The following PRKAG2 variants were observed in gnomAD, a reference collection of about 807,000 sequenced individuals.
The protein encoded by PRKAG2 is protein kinase AMP-activated non-catalytic subunit gamma 2.
Under a neutral mutation model 69.6 loss-of-function variants are expected in PRKAG2, and 26 were observed. The observed-to-expected ratio is 0.37, with a 90% CI of 0.27 to 0.52. PRKAG2 has a LOEUF of 0.52. PRKAG2 is among the 20% of genes least tolerant of loss of function. The pLI is 0.90. For synonymous variants in PRKAG2, 293 were observed against 285.0 expected, an observed-to-expected ratio of 1.03 and a Z score of -0.28; for missense variants, 557 against 740.0, an observed-to-expected ratio of 0.75 and a Z score of 2.87.
At chr7:151,654,962 G>A (rs1039098892) in intron 4 of PRKAG2, among the ~76,000 whole-genome samples, 1 of 152,156 alleles carries the variant, frequency 6.6e-6, no homozygotes, top group Non-Finnish European at 1.5e-5. Context: ...CAAAGTGCTG[G>A]GATTACAGAC....
chr7:151,736,934 G>GTCT (rs2073461880), intron 3 of PRKAG2, among the ~76,000 whole-genome samples: 1 of 152,142 alleles, frequency 6.6e-6, no homozygotes, highest in Non-Finnish European at 1.5e-5. Context: ...TGTCGCCAAT[G>GTCT]GTAGAACCAG....
At chr7:151,610,034 T>G (rs6942626) in intron 5 of PRKAG2, among the ~76,000 whole-genome samples, 9,398 of 152,184 alleles carry the variant, frequency 0.062, 951 homozygotes, top group African/African-American at 0.21. Context: ...ATGCTCCACA[T>G]TTTAATATGT....
At chr7:151,584,898 A>AAAAT (rs1346693097) in intron 6 of PRKAG2, among the ~76,000 whole-genome samples, 1 of 152,146 alleles carries the variant, frequency 6.6e-6, no homozygotes, top group Admixed American at 6.6e-5. Flanking sequence ...CCCTATCTCT[A>AAAAT]AAATAAATAA....
Position 151,576,255 on chromosome 7 carries a change from T to C in PRKAG2, c.946+116A>G, listed in dbSNP as rs548503158. 1.3e-3 allele frequency: 1,384 copies of C among 1,050,998 alleles called. 3 individuals carry two copies. Among genetic ancestry groups the C allele is most frequent in the Non-Finnish European group, 1.8e-3 (1,273 of 693,594 alleles). 65.1% of individuals were successfully genotyped at this position (1,050,998 alleles called of 1,614,324 possible). On this transcript the variant is annotated intron_variant, in intron 7 of 15. Coordinates refer to ENST00000287878, the MANE Select transcript of PRKAG2 (RefSeq NM_016203.4). ...TGCACCCTGCCAGCAAGAATGTTCT[T>C]TAACTTGGAAACATGTTTACTAGGT...
chr7:151,640,824 G>A (rs1222887297), intron 4 of PRKAG2, among the ~76,000 whole-genome samples: 4 of 152,172 alleles, frequency 2.6e-5, no homozygotes, highest in African/African-American at 4.8e-5. Flanking sequence ...TGAAGGGAAC[G>A]AATGACTCAT....
intron 3 of PRKAG2, among the ~76,000 whole-genome samples, chr7:151,692,232 C>T (rs995077056): frequency 2.0e-5 from 3 of 152,026 alleles, no homozygotes; most frequent in Non-Finnish European, 4.4e-5. Flanking sequence ...AACCAAAAAA[C>T]TGGTGCATCT....
At chr7:151,832,274 G>GGGAAGGAAGGGAGGAGGGAA (rs1563737914) in intron 1 of PRKAG2, among the ~76,000 whole-genome samples, 48 of 148,606 alleles carry the variant, frequency 3.2e-4, no homozygotes, top group African/African-American at 1.1e-3. Context: ...GAAGGGAGGA[G>GGGAAGGAAGGGAGGAGGGAA]GGAAGGAAGG....
intron 4 of PRKAG2, among the ~76,000 whole-genome samples, chr7:151,655,250 G>A (rs1340069376): frequency 6.6e-6 from 1 of 152,086 alleles, no homozygotes; most frequent in African/African-American, 2.4e-5. Context: ...AAAGGTATTT[G>A]GCCCAAAAGT....
chr7:151,731,366 C>G (rs2151681041), intron 3 of PRKAG2, among the ~76,000 whole-genome samples: 1 of 152,336 alleles, frequency 6.6e-6, no homozygotes, highest in Non-Finnish European at 1.5e-5. Flanking sequence ...ACTCCTGAGT[C>G]AGAGCTTCCA....
intron 4 of PRKAG2, among the ~76,000 whole-genome samples, chr7:151,636,437 G>A (rs947324667): frequency 1.3e-4 from 20 of 152,130 alleles, no homozygotes; most frequent in African/African-American, 4.1e-4. Context: ...ACTAGCTTCC[G>A]CTTAATGTCA....
intron 5 of PRKAG2, among the ~76,000 whole-genome samples, chr7:151,601,388 A>G (rs1277909078): frequency 6.6e-6 from 1 of 152,162 alleles, no homozygotes; most frequent in Non-Finnish European, 1.5e-5. Flanking sequence ...TATTTGAATG[A>G]TCAGTATCTT....
chr7:151,752,976 T>G (rs1295933349), intron 3 of PRKAG2, among the ~76,000 whole-genome samples: 1 of 152,234 alleles, frequency 6.6e-6, no homozygotes, highest in African/African-American at 2.4e-5. Flanking sequence ...CGCGGCCGCA[T>G]CGGGTGACCC....
At chr7:151,658,657 G>A (rs1829864314) in intron 4 of PRKAG2, among the ~76,000 whole-genome samples, 2 of 152,018 alleles carry the variant, frequency 1.3e-5, no homozygotes, top group Non-Finnish European at 1.5e-5. Context: ...GCGAACACAC[G>A]CCGAAACAGT....
Position 151,876,778 on chromosome 7 carries a change from C to G in PRKAG2, c.-158G>C. 2 of 741,964 alleles carry G rather than the reference C, an allele frequency of 2.7e-6. No individual in the cohort carries two copies. The highest frequency in any genetic ancestry group is 2.3e-6 in the Non-Finnish European group (1 of 440,006). 46.0% of individuals were successfully genotyped at this position (741,964 alleles called of 1,614,324 possible). ...GGAGAGGGAGGGTGAGCAGGGAACT[C>G]GCGCGGCCGCCGCCGCCGCCGAAGC... On this transcript the variant is annotated 5_prime_UTR_variant, in exon 1 of 16. Transcript: ENST00000287878.
At chr7:151,605,568 C>T (rs1817317804) in intron 5 of PRKAG2, among the ~76,000 whole-genome samples, 1 of 150,286 alleles carries the variant, frequency 6.7e-6, no homozygotes, top group Non-Finnish European at 1.5e-5. Context: ...GAAACCCCGT[C>T]TCTACTAAAA....
intron 3 of PRKAG2, among the ~76,000 whole-genome samples, chr7:151,758,435 T>C (rs1203719920): frequency 1.3e-5 from 2 of 152,256 alleles, no homozygotes; most frequent in African/African-American, 4.8e-5. Flanking sequence ...ACCCCTGAAC[T>C]ATGTCACCTT....
Position 151,807,917 on chromosome 7 carries a change from G to A in PRKAG2, c.115-21376C>T, listed in dbSNP as rs1021657738. 6.6e-6 allele frequency among the ~76,000 whole-genome samples: 1 copy of A among 152,132 alleles called. No homozygotes were observed. Among genetic ancestry groups the A allele is most frequent in the Non-Finnish European group, 1.5e-5 (1 of 68,028 alleles). On this transcript the variant is annotated intron_variant, in intron 1 of 15. Coordinates refer to ENST00000287878, the MANE Select transcript of PRKAG2 (RefSeq NM_016203.4). The surrounding 1 kb of genome is among the most constrained non-coding windows in gnomAD (Gnocchi z 4.4). ...GTCGGGGGAAGCCTGTAGTGGGGAC[G>A]CTAGACTCAAGGGAAGGCTCTGGAG...
rs952877130 is a variant in PRKAG2 at position 151,632,516 on chromosome 7, C to A, written c.685-378G>T. 23 of 945,198 alleles carry A rather than the reference C, an allele frequency of 2.4e-5. No homozygotes were observed. The highest frequency in any genetic ancestry group is 2.8e-5 in the Non-Finnish European group (22 of 793,892). 58.6% of individuals were successfully genotyped at this position (945,198 alleles called of 1,614,324 possible). The stretch of plus-strand genomic sequence containing the variant: ...GTGGCCCGCGTCCTCCCCGCCGTGC[C>A]GCCATTGGGAGAGGCCCGCGGCCCG... On this transcript the variant is annotated intron_variant, in intron 4 of 15. Transcript: ENST00000287878. The surrounding 1 kb of genome is among the most constrained non-coding windows in gnomAD (Gnocchi z 4.2).
rs1009620793 is a variant in PRKAG2 at position 151,567,478 on chromosome 7, G to A, written c.1233+1238C>T. Among the ~76,000 whole-genome samples, 2 of 152,160 alleles carry A rather than the reference G, an allele frequency of 1.3e-5. No individual in the cohort carries two copies. Among genetic ancestry groups the A allele is most frequent in the African/African-American group, 4.8e-5 (2 of 41,422 alleles). ...TAAAAATGATGACTCTAAGGATTAA[G>A]TGAGCTGCAGGCCTGGCACGTGGGG... On this transcript the variant is annotated intron_variant, in intron 11 of 15. Coordinates refer to ENST00000287878, the MANE Select transcript of PRKAG2 (RefSeq NM_016203.4). The surrounding 1 kb of genome is among the most constrained non-coding windows in gnomAD (Gnocchi z 4.2).
Sources: gnomAD v4.1 joint callset for allele counts (sites outside exome capture counted in the v4.1 genomes callset) on GRCh38, gnomAD v4.1.1 for gene constraint, Gnocchi (gnomAD v3.1) non-coding constraint, MANE v1.5 for transcripts, NCBI Gene and HGNC (gene_info 2026-07-23, HGNC 2026-07-21) for gene names.